The following SPX variants were observed in gnomAD, a reference collection of about 807,000 sequenced individuals.
SPX encodes the protein spexin hormone, also known as spexin.
Under a neutral mutation model 19.2 loss-of-function variants are expected in SPX, and 22 were observed. The observed-to-expected ratio is 1.15, with a 90% confidence interval of 0.82 to 1.64. The LOEUF is 1.64. Among genes scored for constraint, SPX ranks in the 40% most tolerant of loss-of-function variants. SPX has a pLI of 0.00. For synonymous variants in SPX, 50 were observed against 53.3 expected (o/e 0.94, Z 0.27); for missense variants, 143 against 137.7 (o/e 1.04, Z -0.19).
chr12:21,527,211 G>T lies in SPX; in HGVS notation c.145+19G>T, dbSNP rs200005953. The T allele has an allele frequency of 1.0e-4, 163 of 1,608,252 alleles. No individual in the cohort carries two copies. The highest frequency in any genetic ancestry group is 1.6e-4 in the Middle Eastern group (1 of 6,078). On this transcript the variant is annotated intron_variant, in intron 3 of 5. Coordinates refer to ENST00000256969, the MANE Select transcript of SPX (RefSeq NM_030572.4). ...GGGGCACGTAAGTTCCAAATATTTC[G>T]CTCTTCCTACAATAATGGAAGACCC... is the stretch of plus-strand genomic sequence containing the variant.
intron 3 of SPX, 66 bp from the exon 4 acceptor site, chr12:21,527,661 G>C (rs1178315242): frequency 6.7e-7 from 1 of 1,481,728 alleles, no homozygotes; most frequent in South Asian, 1.2e-5. Flanking sequence ...GCCGGGAGGA[G>C]CTGAGGTTTA....
chr12:21,532,138 A>G lies in SPX; in HGVS notation c.*943A>G, dbSNP rs1943871304. ...CTTGAGTTCAGTACCATCTGAATAC[A>G]CACACATGCACATATACCCACACAC... On this transcript the variant is annotated 3_prime_UTR_variant, in exon 6 of 6. Transcript: ENST00000256969. 1 of 152,228 alleles carries G rather than the reference A, an allele frequency of 6.6e-6. No homozygotes were observed. 9.4% of individuals were successfully genotyped at this position (152,228 alleles called of 1,614,324 possible).
chr12:21,528,075 C>T, intron 4 of SPX: 1 of 417,404 alleles, frequency 2.4e-6, no homozygotes, highest in Non-Finnish European at 4.4e-6. Context: ...TGGCTTGCGG[C>T]TGTTCAGCCA....
In SPX at chr12:21,527,729, GGTCGCCGCTTCATCTCCGA is replaced by G. The variant is rs1283904104; in HGVS notation, c.149_167del (p.Gly50AlafsTer24). 4 of 1,563,500 alleles carry G rather than the reference GGTCGCCGCTTCATCTCCGA, an allele frequency of 2.6e-6. No homozygotes were observed. Among genetic ancestry groups the G allele is most frequent in the Non-Finnish European group, 3.5e-6 (4 of 1,153,228 alleles). On this transcript the variant is annotated frameshift_variant, in exon 4 of 6. Transcript: ENST00000256969. LOFTEE classifies it high-confidence loss of function. ...AGCCCCAGGTCTCGTTTTTGCAGAG[GGTCGCCGCTTCATCTCCGA>G]CCAGAGCCGGAGAAAGGACCTCTCC...
At chr12:21,528,135 A>C (rs985402283) in intron 4 of SPX, 2 of 264,458 alleles carry the variant, frequency 7.6e-6, no homozygotes, top group Non-Finnish European at 1.4e-5. Flanking sequence ...TTAGGACCTG[A>C]GGTGCAGCTC....
chr12:21,528,726 C>T (rs933431605), intron 4 of SPX, among the ~76,000 whole-genome samples: 2 of 152,066 alleles, frequency 1.3e-5, no homozygotes, highest in Admixed American at 6.5e-5. Flanking sequence ...TATATTTGGC[C>T]GCAAAGGTTA....
Position 21,526,431 on chromosome 12 carries a change from A to T in SPX, c.-42A>T, listed in dbSNP as rs1466519110. ...CAGAGCAAGAGTCGAAAACTCACAG[A>T]TAAAGTTATAGTTATTTCAGGGTTC... On this transcript the variant is annotated 5_prime_UTR_variant, in exon 1 of 6. Transcript: ENST00000256969. 2 of 1,564,386 alleles carry T rather than the reference A, an allele frequency of 1.3e-6. No individual in the cohort carries two copies. The highest frequency in any genetic ancestry group is 2.4e-5 in the South Asian group (2 of 81,842).
intron 4 of SPX, 56 bp downstream of exon 4, chr12:21,527,845 C>A (rs922522572): frequency 1.0e-5 from 16 of 1,524,038 alleles, no homozygotes; most frequent in Non-Finnish European, 1.4e-5. Context: ...TAGGATGGGG[C>A]GGGCAGGGCT....
rs889611931 is a variant in SPX, at chr12:21,526,315, T to C, written c.-158T>C. On this transcript the variant is annotated 5_prime_UTR_variant, in exon 1 of 6. Coordinates refer to ENST00000256969, the MANE Select transcript of SPX (RefSeq NM_030572.4). The stretch of plus-strand genomic sequence containing the variant: ...GGAGTCATCAGATTCTCAATCTTGC[T>C]TGAAGACTGACAAGATGTCCCTGTG... 3.6e-6 allele frequency: 2 copies of C among 558,648 alleles called. No individual in the cohort carries two copies. The highest frequency in any genetic ancestry group is 6.3e-6 in the Non-Finnish European group (2 of 319,282). 34.6% of individuals were successfully genotyped at this position (558,648 alleles called of 1,614,324 possible).
chr12:21,526,947 A>G lies in SPX; in HGVS notation c.68A>G (p.Asn23Ser), dbSNP rs1943820152. The G allele has an allele frequency of 3.1e-6, 5 of 1,614,068 alleles. No individual in the cohort carries two copies. In the Admixed American group the frequency reaches 5.0e-5, roughly 16 times the overall value. ...TTCCTGGTGTTTGTTTTCCTGGGAA[A>G]CTCCAGCTGCGCTCCGCAGGTAATC... is the stretch of plus-strand genomic sequence containing the variant. ...ALFLVFVFLG[N>S]SSCAPQRLLE... Residue 23 changes from asparagine to serine, a missense_variant, in exon 2 of 6, where the codon AAC becomes AGC. Coordinates refer to ENST00000256969, the MANE Select transcript of SPX (RefSeq NM_030572.4).
chr12:21,526,818 G>T, intron 1 of SPX, 68 bp from the exon 2 acceptor site: 2 of 1,437,666 alleles, frequency 1.4e-6, no homozygotes, highest in Non-Finnish European at 2.0e-6. Flanking sequence ...TTGTCCAGGC[G>T]TCAAGGAAGG....
chr12:21,527,103 A>C (rs1943821635), intron 2 of SPX, 32 bp from the exon 3 acceptor site: 3 of 1,609,044 alleles, frequency 1.9e-6, no homozygotes, highest in Non-Finnish European at 2.6e-6. Context: ...GCAATGTTTT[A>C]TTAACTGCTC....
At position 21,526,871 on chromosome 12, in the gene SPX, G is replaced by T; in HGVS notation, c.7-15G>T. ...GGCACAGAAATGACCCTTTCTGGTT[G>T]ATCGCTTCATATAGGGACTCAGAAG... On this transcript the variant is annotated splice_polypyrimidine_tract_variant and intron_variant, in intron 1 of 5. Coordinates refer to ENST00000256969, the MANE Select transcript of SPX (RefSeq NM_030572.4). The T allele has an allele frequency of 6.2e-7, 1 of 1,612,942 alleles. No individual in the cohort carries two copies.
intron 5 of SPX, 53 bp downstream of exon 5, chr12:21,529,137 T>C: frequency 1.3e-6 from 2 of 1,553,800 alleles, no homozygotes; most frequent in South Asian, 2.2e-5. Flanking sequence ...TTTGCTTACT[T>C]TCGGGATTCT....
In SPX at chr12:21,531,841, TG is replaced by T. The variant is rs1943869068; in HGVS notation, c.*647del. On this transcript the variant is annotated 3_prime_UTR_variant, in exon 6 of 6. Coordinates refer to ENST00000256969, the MANE Select transcript of SPX (RefSeq NM_030572.4). ...CCTTTGTGCTCTTTGGGAATTACCT[TG>T]CATTCAGTTTAGAAACATGGATCTA... is the stretch of plus-strand genomic sequence containing the variant. The T allele has an allele frequency of 6.6e-6, 1 of 152,212 alleles. No homozygotes were observed. Among genetic ancestry groups the T allele is most frequent in the Non-Finnish European group, 1.5e-5 (1 of 68,036 alleles). The allele number at this position is 152,212 out of a possible 1,614,324, so 9.4% of individuals were successfully genotyped here.
Position 21,531,167 on chromosome 12 carries a change from T to C in SPX, c.323T>C (p.Phe108Ser). Reference sequence around the variant, plus strand: ...GAAAAAAACTTTGATCAAACCAGATTCCTGGAAGACAGTCTGCTTAACTGG... The same window carrying C: ...GAAAAAAACTTTGATCAAACCAGATCCCTGGAAGACAGTCTGCTTAACTGG... ...DEEKNFDQTR[F>S]LEDSLLNW The change falls in exon 6 of 6, where the codon TTC becomes TCC. Residue 108 changes from phenylalanine to serine, a missense_variant. Phe to Ser is a radical substitution (Grantham distance 155, BLOSUM62 -2). Transcript: ENST00000256969. The C allele has an allele frequency of 3.8e-6, 6 of 1,596,100 alleles. No individual in the cohort carries two copies. The highest frequency in any genetic ancestry group is 4.3e-6 in the Non-Finnish European group (5 of 1,169,836).
chr12:21,530,909 G>C (rs1943859044), intron 5 of SPX, among the ~76,000 whole-genome samples: 1 of 152,070 alleles, frequency 6.6e-6, no homozygotes, highest in African/African-American at 2.4e-5. Context: ...TCATTATAGA[G>C]GTTCAGATGT....
chr12:21,527,375 A>T (rs561591663), intron 3 of SPX, 183 bp downstream of exon 3: 36 of 635,520 alleles, frequency 5.7e-5, no homozygotes, highest in Admixed American at 1.9e-4. Flanking sequence ...GATTATTGGA[A>T]ATCCTCCATC....
rs546772284 is a variant in SPX, at chr12:21,531,770, A to G, written c.*575A>G. On this transcript the variant is annotated 3_prime_UTR_variant, in exon 6 of 6. Transcript: ENST00000256969. ...TTCAGTGTGGTTGCTGAGAGGAGAC[A>G]GTCATTGAGGTAGAAGGTTTGCCAA... 1.3e-5 allele frequency: 2 copies of G among 152,378 alleles called. No individual in the cohort carries two copies. The highest frequency in any genetic ancestry group is 1.3e-4 in the Admixed American group (2 of 15,306). 9.4% of individuals were successfully genotyped at this position (152,378 alleles called of 1,614,324 possible). A position where few individuals can be genotyped will look rare whatever the true frequency, so the allele number is the denominator to read the frequency against.
Sources: allele counts gnomAD v4.1 joint callset (sites outside exome capture counted in the v4.1 genomes callset), GRCh38; gene constraint gnomAD v4.1.1; transcripts MANE v1.5; gene names NCBI Gene and HGNC (gene_info 2026-07-23, HGNC 2026-07-21).